TRAPPC12: variants seen among roughly 807,000 people sequenced by gnomAD.
The protein encoded by TRAPPC12 is trafficking protein particle complex subunit 12.
A neutral mutation model predicts 69.2 loss-of-function variants in TRAPPC12; 61 were observed. That is an observed-to-expected ratio of 0.88 (90% CI 0.72 to 1.09). The LOEUF (loss-of-function observed/expected upper bound fraction) is 1.09. Ranked by LOEUF, TRAPPC12 falls within the 50% of genes least tolerant of loss-of-function variation. The pLI is 0.00. For synonymous variants in TRAPPC12, 469 were observed against 438.9 expected, an observed-to-expected ratio of 1.07 and a Z score of -0.86; for missense variants, 1,101 against 1,016.4, an observed-to-expected ratio of 1.08 and a Z score of -1.13.
intron 8 of TRAPPC12, among the ~76,000 whole-genome samples, chr2:3,465,001 G>A (rs1028988010): frequency 2.0e-5 from 3 of 152,330 alleles, no homozygotes; most frequent in South Asian, 2.1e-4. Flanking sequence ...ATGTTCCCCC[G>A]TAGCTGTCTC....
chr2:3,383,382 C>T (rs1660313691), intron 1 of TRAPPC12, among the ~76,000 whole-genome samples: 1 of 151,934 alleles, frequency 6.6e-6, no homozygotes, highest in East Asian at 1.9e-4. Context: ...TTGCCTTTCA[C>T]AGTTAATTTT....
At chr2:3,418,020 G>A (rs1662527714) in intron 3 of TRAPPC12, among the ~76,000 whole-genome samples, 1 of 132,316 alleles carries the variant, frequency 7.6e-6, no homozygotes, top group Non-Finnish European at 1.5e-5. Flanking sequence ...TCCAGCCTGG[G>A]CAATAGAGAC....
At chr2:3,448,075 G>A (rs1447608768) in intron 6 of TRAPPC12, among the ~76,000 whole-genome samples, 2 of 152,264 alleles carry the variant, frequency 1.3e-5, no homozygotes, top group Non-Finnish European at 2.9e-5. Context: ...CTGCATGGAT[G>A]TGTGAGGTGC....
chr2:3,434,020 A>T (rs1390935235), intron 5 of TRAPPC12, among the ~76,000 whole-genome samples: 1 of 152,202 alleles, frequency 6.6e-6, no homozygotes. Context: ...TTCCCAGGGT[A>T]GCTCTTCAGA....
At chr2:3,419,107 C>G (rs936287620) in intron 3 of TRAPPC12, among the ~76,000 whole-genome samples, 2 of 152,216 alleles carry the variant, frequency 1.3e-5, no homozygotes, top group African/African-American at 4.8e-5. Flanking sequence ...GTCTCCGCCC[C>G]CTCCCCTTCC....
At chr2:3,398,591 C>T (rs945564799) in intron 2 of TRAPPC12, among the ~76,000 whole-genome samples, 3 of 152,206 alleles carry the variant, frequency 2.0e-5, no homozygotes, top group African/African-American at 7.2e-5. Flanking sequence ...GCTTCCCAGA[C>T]AGTAAGGCCC....
chr2:3,379,707 G>C lies in TRAPPC12; in HGVS notation c.-174G>C, dbSNP rs977765361. 1 of 152,342 alleles carries C rather than the reference G, an allele frequency of 6.6e-6. No individual in the cohort carries two copies. Among genetic ancestry groups the C allele is most frequent in the Non-Finnish European group, 1.5e-5 (1 of 68,108 alleles). 9.4% of individuals were successfully genotyped at this position (152,342 alleles called of 1,614,324 possible). A position where few individuals can be genotyped will look rare whatever the true frequency, so the allele number is the denominator to read the frequency against. ...CCTGGGGGCAGGGCCTCGGGTTCCT[G>C]CATCGGGCCTGAGCAGAACTAGGCG... On this transcript the variant is annotated 5_prime_UTR_variant, in exon 1 of 12. Coordinates refer to ENST00000324266, the MANE Select transcript of TRAPPC12 (RefSeq NM_016030.6).
chr2:3,466,264 G>T, intron 9 of TRAPPC12: 1 of 471,210 alleles, frequency 2.1e-6, no homozygotes, highest in Non-Finnish European at 4.4e-6. Context: ...GCGGAGCACA[G>T]GGCAGCTTCT....
intron 9 of TRAPPC12, among the ~76,000 whole-genome samples, chr2:3,470,534 G>A (rs147052907): frequency 2.6e-3 from 390 of 152,372 alleles, no homozygotes; most frequent in Middle Eastern, 0.017. Flanking sequence ...GCCTCCACCA[G>A]TGCCGTCGCC....
intron 1 of TRAPPC12, among the ~76,000 whole-genome samples, chr2:3,383,719 T>G (rs1660340913): frequency 6.6e-6 from 1 of 151,918 alleles, no homozygotes; most frequent in South Asian, 2.1e-4. Flanking sequence ...CAGTTAAGTT[T>G]TTAACGTCCC....
chr2:3,442,956 T>C (rs534750863), intron 5 of TRAPPC12, among the ~76,000 whole-genome samples: 1 of 152,392 alleles, frequency 6.6e-6, no homozygotes, highest in East Asian at 1.9e-4. Context: ...TCATTTATAA[T>C]CAGTGCACGC....
rs781564705 is a variant in TRAPPC12 at position 3,443,762 on chromosome 2, C to T, written c.1418-17C>T. ...AGTTATGGCAAACAAACTCACTCAGCACTGATTGGATTCCAGGCTCCATGG... is the reference window on the plus strand; with the variant it reads ...AGTTATGGCAAACAAACTCACTCAGTACTGATTGGATTCCAGGCTCCATGG... On this transcript the variant is annotated splice_polypyrimidine_tract_variant and intron_variant, in intron 5 of 11. Coordinates refer to ENST00000324266, the MANE Select transcript of TRAPPC12 (RefSeq NM_016030.6). 19 of 1,609,076 alleles carry T rather than the reference C, an allele frequency of 1.2e-5. No individual in the cohort carries two copies. Among genetic ancestry groups the T allele is most frequent in the Non-Finnish European group, 1.6e-5 (19 of 1,175,610 alleles).
chr2:3,477,028 A>C (rs2103177731), intron 9 of TRAPPC12, among the ~76,000 whole-genome samples: 1 of 152,222 alleles, frequency 6.6e-6, no homozygotes, highest in African/African-American at 2.4e-5. Context: ...ACACTTCTAG[A>C]GGTGAAAGAA....
At chr2:3,451,544 CAG>C (rs1205564733) in intron 6 of TRAPPC12, among the ~76,000 whole-genome samples, 2 of 151,742 alleles carry the variant, frequency 1.3e-5, no homozygotes, top group African/African-American at 4.8e-5. Flanking sequence ...TTTTTTGAGA[CAG>C]GGGGTCTTAT....
chr2:3,448,786 G>A (rs1438619219), intron 6 of TRAPPC12, among the ~76,000 whole-genome samples: 2 of 152,228 alleles, frequency 1.3e-5, no homozygotes, highest in Non-Finnish European at 2.9e-5. Context: ...GGCGGAGGGC[G>A]TGTGCCGGGA....
At chr2:3,471,741 C>T (rs1666070336) in intron 9 of TRAPPC12, among the ~76,000 whole-genome samples, 1 of 152,210 alleles carries the variant, frequency 6.6e-6, no homozygotes, top group African/African-American at 2.4e-5. Context: ...TACTTCACTC[C>T]AACTTAGATT....
intron 9 of TRAPPC12, among the ~76,000 whole-genome samples, chr2:3,475,148 T>C (rs1666240431): frequency 6.6e-6 from 1 of 152,172 alleles, no homozygotes; most frequent in African/African-American, 2.4e-5. Flanking sequence ...CAGGCTGGAG[T>C]GCAGTGGCAC....
At chr2:3,424,767 T>C in intron 5 of TRAPPC12, 104 bp downstream of exon 5, 2 of 1,292,288 alleles carry the variant, frequency 1.5e-6, no homozygotes, top group Non-Finnish European at 2.1e-6. Context: ...ATTTATCCAG[T>C]CTTGAAAAAT....
Position 3,468,503 on chromosome 2 carries a change from G to T in TRAPPC12, c.1776+2808G>T, listed in dbSNP as rs778568821. On this transcript the variant is annotated intron_variant, in intron 9 of 11. Transcript: ENST00000324266. ...AAAGTTTATCCATGTGAAATCCTCTGTGTCCTGCCTGGGACATGCCAGGAG... is the reference window on the plus strand; with the variant it reads ...AAAGTTTATCCATGTGAAATCCTCTTTGTCCTGCCTGGGACATGCCAGGAG... Among the ~76,000 whole-genome samples the T allele has an allele frequency of 2.6e-5, 4 of 152,118 alleles. 1 individual carries two copies.
Sources: allele counts gnomAD v4.1 joint callset (sites outside exome capture counted in the v4.1 genomes callset), GRCh38; gene constraint gnomAD v4.1.1; transcripts MANE v1.5; gene names NCBI Gene and HGNC (gene_info 2026-07-23, HGNC 2026-07-21).